Variants in BBOF1 observed in about 807,000 individuals in gnomAD.
The protein encoded by BBOF1 is basal body orientation factor 1.
A neutral mutation model predicts 68.0 loss-of-function variants in BBOF1; 62 were observed. The ratio of observed to expected loss-of-function variants is 0.91; its 90% CI spans 0.74 to 1.13. The LOEUF (loss-of-function observed/expected upper bound fraction) is 1.13. Among genes scored for constraint, BBOF1 ranks in the 50% most tolerant of loss-of-function variants. BBOF1 has a pLI of 0.00. For missense variants in BBOF1, 534 were observed against 600.1 expected (o/e 0.89, Z 1.15); for synonymous variants, 208 against 198.8 (o/e 1.05, Z -0.39).
chr14:74,035,089 CAA>C (rs998166618), intron 4 of BBOF1, among the ~76,000 whole-genome samples: 1 of 149,136 alleles, frequency 6.7e-6, no homozygotes, highest in African/African-American at 2.5e-5. Flanking sequence ...GACCATGTCT[CAA>C]AAAAAAAGTA....
intron 11 of BBOF1, among the ~76,000 whole-genome samples, chr14:74,061,552 C>G (rs984754991): frequency 6.6e-6 from 1 of 151,796 alleles, no homozygotes; most frequent in African/African-American, 2.4e-5. Context: ...TCTTGAACCC[C>G]TGACCTCAGG....
At chr14:74,069,277 T>C, downstream of BBOF1, 1 of 356,602 alleles carries the variant, frequency 2.8e-6, no homozygotes, top group Non-Finnish European at 5.4e-6. Context: ...CTAATTTTTG[T>C]ATTTTTAGTA....
chr14:74,033,423 G>A (rs1430940209), intron 3 of BBOF1, among the ~76,000 whole-genome samples: 1 of 151,880 alleles, frequency 6.6e-6, no homozygotes, highest in Non-Finnish European at 1.5e-5. Context: ...ACAAAAATTA[G>A]CTGGGCGTGG....
chr14:74,043,105 C>A (rs964026459), intron 5 of BBOF1, among the ~76,000 whole-genome samples: 2 of 152,072 alleles, frequency 1.3e-5, no homozygotes, highest in African/African-American at 4.8e-5. Flanking sequence ...GCTTTCCAAT[C>A]GGCCTGTTCA....
chr14:74,048,109 C>A, intron 7 of BBOF1, 35 bp downstream of exon 7: 1 of 1,584,548 alleles, frequency 6.3e-7, no homozygotes, highest in Non-Finnish European at 8.6e-7. Context: ...TCCTTCTTTT[C>A]TTTATTTAAG....
intron 8 of BBOF1, among the ~76,000 whole-genome samples, chr14:74,053,034 AAAT>A (rs1168275624): frequency 6.6e-6 from 1 of 152,076 alleles, no homozygotes; most frequent in African/African-American, 2.4e-5. Flanking sequence ...TAGTCTCAAA[AAAT>A]AATAATAAAT....
intron 4 of BBOF1, 50 bp from the exon 5 acceptor site, chr14:74,040,514 GA>G: frequency 8.9e-7 from 1 of 1,123,428 alleles, no homozygotes; most frequent in Non-Finnish European, 1.3e-6. Flanking sequence ...TGTGCTCAAT[GA>G]CCCCCATTTT....
chr14:74,044,981 G>A (rs1200536154), intron 5 of BBOF1, among the ~76,000 whole-genome samples: 1 of 152,036 alleles, frequency 6.6e-6, no homozygotes, highest in African/African-American at 2.4e-5. Flanking sequence ...CAGTCATCCC[G>A]CCTTGGCCTC....
chr14:74,075,669 C>T (rs938608429), intron 9 of BBOF1, among the ~76,000 whole-genome samples: 2 of 151,100 alleles, frequency 1.3e-5, no homozygotes, highest in African/African-American at 4.9e-5. Flanking sequence ...AAAAAAAAAT[C>T]AATGTAAATA....
intron 5 of BBOF1, among the ~76,000 whole-genome samples, chr14:74,044,630 A>G (rs2059908121): frequency 6.6e-6 from 1 of 151,994 alleles, no homozygotes; most frequent in Non-Finnish European, 1.5e-5. Flanking sequence ...GCCGAATTAA[A>G]AAAAATTTTT....
At chr14:74,068,746 A>G (rs2060507568), downstream of BBOF1, 1 of 1,316,834 alleles carries the variant, frequency 7.6e-7, no homozygotes, top group African/African-American at 1.5e-5. Context: ...TCTCAAAAAA[A>G]AGAAAGAAAC....
At chr14:74,026,944 G>A (rs2059444420) in intron 2 of BBOF1, among the ~76,000 whole-genome samples, 1 of 150,372 alleles carries the variant, frequency 6.7e-6, no homozygotes, top group Non-Finnish European at 1.5e-5. Context: ...AAAAAAAAAT[G>A]GCAAAAACTG....
intron 2 of BBOF1, 98 bp downstream of exon 2, chr14:74,023,242 A>G: frequency 1.5e-6 from 1 of 686,800 alleles, no homozygotes; most frequent in South Asian, 2.1e-5. Flanking sequence ...TTGAAATCTT[A>G]ACATATACTT....
rs1386807136 is a variant in BBOF1 at position 74,065,205 on chromosome 14, A to C, written c.*506A>C. 6.2e-7 allele frequency: 1 copy of C among 1,614,184 alleles called. No homozygotes were observed. Among genetic ancestry groups the C allele is most frequent in the Non-Finnish European group, 8.5e-7 (1 of 1,180,026 alleles). On this transcript the variant is annotated 3_prime_UTR_variant, in exon 12 of 12. Coordinates refer to ENST00000394009, the MANE Select transcript of BBOF1 (RefSeq NM_025057.3). ...CCTGTCCAACATCCACCAAGTGGGC[A>C]TATTTCCGAGCAGTGGCTCCATTGG...
Position 74,064,794 on chromosome 14 carries a change from A to G in BBOF1, c.*95A>G, listed in dbSNP as rs758553673. ...TCTTTAAGAAAATTTCTTAAAGGAAAAGACAAAAAATTTAACTCAAAAGTT... is the reference window on the plus strand; with the variant it reads ...TCTTTAAGAAAATTTCTTAAAGGAAGAGACAAAAAATTTAACTCAAAAGTT... On this transcript the variant is annotated 3_prime_UTR_variant, in exon 12 of 12. Transcript: ENST00000394009. The G allele has an allele frequency of 1.2e-6, 2 of 1,613,178 alleles. No homozygotes were observed. The highest frequency in any genetic ancestry group is 1.7e-5 in the Admixed American group (1 of 60,008).
At chr14:74,079,510 C>T (rs1423635052) in intron 10 of BBOF1, among the ~76,000 whole-genome samples, 5 of 151,580 alleles carry the variant, frequency 3.3e-5, no homozygotes, top group African/African-American at 1.2e-4. Context: ...CTTGGCTCAC[C>T]GCAAGCTCCG....
At chr14:74,063,923 A>C (rs2060406563) in intron 11 of BBOF1, among the ~76,000 whole-genome samples, 1 of 151,896 alleles carries the variant, frequency 6.6e-6, no homozygotes, top group African/African-American at 2.4e-5. Flanking sequence ...TAACTGGCTT[A>C]GCTGGGATTT....
At chr14:74,068,827 C>T, downstream of BBOF1, 3 of 1,612,466 alleles carry the variant, frequency 1.9e-6, no homozygotes, top group Non-Finnish European at 2.5e-6. Flanking sequence ...ATATATAGAA[C>T]AAAGATTGGA....
At chr14:74,075,656 CA>C (rs71115952) in intron 9 of BBOF1, among the ~76,000 whole-genome samples, 453 of 132,938 alleles carry the variant, frequency 3.4e-3, no homozygotes, top group Admixed American at 7.1e-3. Flanking sequence ...GACCTTGTCT[CA>C]AAAAAAAAAA....
Sources: allele counts gnomAD v4.1 joint callset (sites outside exome capture counted in the v4.1 genomes callset), GRCh38; gene constraint gnomAD v4.1.1; transcripts MANE v1.5; gene names NCBI Gene and HGNC (gene_info 2026-07-23, HGNC 2026-07-21).